REEP3: variants seen among roughly 807,000 people sequenced by gnomAD.
The protein encoded by REEP3 is receptor expression-enhancing protein 3.
Under a neutral mutation model 41.3 loss-of-function variants are expected in REEP3, and 20 were observed. The ratio of observed to expected loss-of-function variants is 0.48; its 90% confidence interval spans 0.34 to 0.70. The LOEUF (loss-of-function observed/expected upper bound fraction) is 0.70. Ranked by LOEUF, REEP3 falls within the 30% of genes least tolerant of loss-of-function variation. The pLI is 0.01. For synonymous variants in REEP3, 104 were observed against 101.8 expected, an observed-to-expected ratio of 1.02 and a Z score of -0.13; for missense variants, 271 against 308.8, an observed-to-expected ratio of 0.88 and a Z score of 0.92.
intron 1 of REEP3, among the ~76,000 whole-genome samples, chr10:63,526,420 G>A (rs1182355069): frequency 1.3e-5 from 2 of 151,806 alleles, no homozygotes; most frequent in Non-Finnish European, 2.9e-5. Context: ...ACTTCTTTGG[G>A]ATAAAAATAC....
chr10:63,585,332 G>A (rs551527466), intron 2 of REEP3, among the ~76,000 whole-genome samples: 2 of 152,190 alleles, frequency 1.3e-5, no homozygotes, highest in South Asian at 4.1e-4. Flanking sequence ...GGAAAAGTAC[G>A]GTACACAGAG....
intron 1 of REEP3, among the ~76,000 whole-genome samples, chr10:63,545,400 G>A (rs890244991): frequency 6.6e-6 from 1 of 151,882 alleles, no homozygotes; most frequent in Non-Finnish European, 1.5e-5. Flanking sequence ...TTTTTTGATG[G>A]AGTCTCGCTC....
intron 3 of REEP3, among the ~76,000 whole-genome samples, chr10:63,597,091 G>A (rs188038447): frequency 1.3e-5 from 2 of 152,256 alleles, no homozygotes; most frequent in Admixed American, 1.3e-4. Flanking sequence ...GTTCTTTTCT[G>A]CTGGCCAAAG....
Position 63,621,180 on chromosome 10 carries a change from A to G in REEP3, c.*311A>G. 1 of 209,112 alleles carries G rather than the reference A, an allele frequency of 4.8e-6. No homozygotes were observed. Among genetic ancestry groups the G allele is most frequent in the Non-Finnish European group, 9.6e-6 (1 of 103,990 alleles). 13.0% of individuals were successfully genotyped at this position (209,112 alleles called of 1,614,324 possible). On this transcript the variant is annotated 3_prime_UTR_variant, in exon 8 of 8. Transcript: ENST00000373758. ...AAGATGAAACACAAATCCACAGTAT[A>G]CTTGAAAGGAGCCTTTTTACGGTTC...
chr10:63,554,397 T>A (rs2133364124), intron 1 of REEP3, among the ~76,000 whole-genome samples: 1 of 152,314 alleles, frequency 6.6e-6, no homozygotes, highest in African/African-American at 2.4e-5. Flanking sequence ...GACAGTAGTA[T>A]GCCTGTGGAA....
At chr10:63,580,265 A>G (rs1250186876) in intron 2 of REEP3, among the ~76,000 whole-genome samples, 1 of 152,012 alleles carries the variant, frequency 6.6e-6, no homozygotes, top group Non-Finnish European at 1.5e-5. Flanking sequence ...CCTCCTCAGT[A>G]GCTGGGACTC....
chr10:63,577,823 C>G (rs544918701), intron 2 of REEP3, among the ~76,000 whole-genome samples: 1 of 152,072 alleles, frequency 6.6e-6, no homozygotes, highest in African/African-American at 2.4e-5. Context: ...GTTTTTCCCC[C>G]TGCCAGCTTG....
chr10:63,622,792 T>C lies in REEP3; in HGVS notation c.*1923T>C. 1 of 145,366 alleles carries C rather than the reference T, an allele frequency of 6.9e-6. No individual in the cohort carries two copies. The highest frequency in any genetic ancestry group is 2.1e-4 in the East Asian group (1 of 4,754). The allele number at this position is 145,366 out of a possible 1,614,324, so 9.0% of individuals were successfully genotyped here. A position where few individuals can be genotyped will look rare whatever the true frequency, so the allele number is the denominator to read the frequency against. ...CGCGATCTCGGCTCACTACAACCTCTGCCTCCCGGGTTCGAGCGATTCTCC... is the reference window on the plus strand; with the variant it reads ...CGCGATCTCGGCTCACTACAACCTCCGCCTCCCGGGTTCGAGCGATTCTCC... On this transcript the variant is annotated 3_prime_UTR_variant, in exon 8 of 8. Coordinates refer to ENST00000373758, the MANE Select transcript of REEP3 (RefSeq NM_001001330.3).
intron 5 of REEP3, among the ~76,000 whole-genome samples, chr10:63,604,580 G>A (rs72838784): frequency 9.9e-5 from 15 of 152,038 alleles, no homozygotes; most frequent in East Asian, 5.8e-4. Flanking sequence ...TCAAAAATCC[G>A]AACATCTTAC....
At chr10:63,555,327 T>G (rs1023404268) in intron 1 of REEP3, among the ~76,000 whole-genome samples, 1 of 152,248 alleles carries the variant, frequency 6.6e-6, no homozygotes, top group African/African-American at 2.4e-5. Flanking sequence ...GTTTAGTCAC[T>G]TAACCATTGT....
rs575312096 is a variant in REEP3, at chr10:63,581,543, C to G, written c.106-13235C>G. Among the ~76,000 whole-genome samples, 4 of 152,222 alleles carry G rather than the reference C, an allele frequency of 2.6e-5. No individual in the cohort carries two copies. The South Asian group carries it at 6.2e-4, about 24-fold the overall frequency. ...ATTGCTTGAGCCCAGGAGTTTGAGA[C>G]TAACCTGGGCAACATAGCAAGACTC... On this transcript the variant is annotated intron_variant, in intron 2 of 7. Transcript: ENST00000373758.
At position 63,594,791 on chromosome 10, in the gene REEP3, T is replaced by G; in HGVS notation, c.119T>G (p.Met40Arg). 6.2e-7 allele frequency: 1 copy of G among 1,609,376 alleles called. No homozygotes were observed. The highest frequency in any genetic ancestry group is 8.5e-7 in the Non-Finnish European group (1 of 1,175,732). Reference protein sequence around the residue: ...KNVKEYVRWMMYWIVFALYTV... With the variant: ...KNVKEYVRWMRYWIVFALYTV... ...TATTATTTCCAGGTTCGATGGATGA[T>G]GTACTGGATTGTTTTTGCTCTCTAT... The change falls in exon 3 of 8, where the codon ATG (methionine) becomes AGG (arginine). Residue 40 changes from methionine (M) to arginine (R), a missense_variant. Coordinates refer to ENST00000373758, the MANE Select transcript of REEP3 (RefSeq NM_001001330.3).
At chr10:63,535,299 T>C (rs890420971) in intron 1 of REEP3, among the ~76,000 whole-genome samples, 5 of 152,034 alleles carry the variant, frequency 3.3e-5, no homozygotes, top group African/African-American at 1.2e-4. Context: ...AAAGACAGAC[T>C]AAAATACTGG....
At chr10:63,543,923 T>A (rs1414349445) in intron 1 of REEP3, among the ~76,000 whole-genome samples, 3 of 152,208 alleles carry the variant, frequency 2.0e-5, no homozygotes, top group African/African-American at 7.2e-5. Context: ...TTGTTACGTT[T>A]TTAGAGAAAA....
intron 1 of REEP3, chr10:63,521,954 C>G (rs1162397012): frequency 2.0e-5 from 3 of 151,198 alleles, no homozygotes; most frequent in South Asian, 2.1e-4. Context: ...CCTGCGGGCC[C>G]GGGAGCGGCG....
At chr10:63,573,892 T>C (rs1955875104) in intron 2 of REEP3, among the ~76,000 whole-genome samples, 1 of 152,210 alleles carries the variant, frequency 6.6e-6, no homozygotes, top group Admixed American at 6.5e-5. Flanking sequence ...ATTAGCCTAC[T>C]GATTATGATG....
intron 1 of REEP3, among the ~76,000 whole-genome samples, chr10:63,558,253 G>C (rs946028950): frequency 6.6e-6 from 1 of 152,166 alleles, no homozygotes; most frequent in African/African-American, 2.4e-5. Flanking sequence ...GGTTTACCTA[G>C]CTCCTGTCCT....
In REEP3 at chr10:63,523,356, A is replaced by G. The variant is rs115604983; in HGVS notation, c.32+1779A>G. Among the ~76,000 whole-genome samples the G allele has an allele frequency of 2.0e-3, 307 of 152,316 alleles. 1 individual carries two copies. Among genetic ancestry groups the G allele is most frequent in the African/African-American group, 7.2e-3 (300 of 41,576 alleles). ...CAGATGGGCCTTAAAGAATAGGCCC[A>G]GTAGAGTGGCTCACACCTGTAATCC... On this transcript the variant is annotated intron_variant, in intron 1 of 7. Transcript: ENST00000373758.
intron 1 of REEP3, among the ~76,000 whole-genome samples, chr10:63,552,944 TGTAGTAAGAAAG>T (rs1955643284): frequency 6.6e-6 from 1 of 152,244 alleles, no homozygotes; most frequent in Non-Finnish European, 1.5e-5. Flanking sequence ...CTGATTTTCT[TGTAGTAAGAAAG>T]TACTTAGACA....
Sources: gnomAD v4.1 joint callset for allele counts (sites outside exome capture counted in the v4.1 genomes callset) on GRCh38, gnomAD v4.1.1 for gene constraint, MANE v1.5 for transcripts, NCBI Gene and HGNC (gene_info 2026-07-23, HGNC 2026-07-21) for gene names.